DCBLD2: variants seen among roughly 807,000 people sequenced by gnomAD.
The protein encoded by DCBLD2 is discoidin, CUB and LCCL domain-containing protein 2.
A neutral mutation model predicts 86.8 loss-of-function variants in DCBLD2; 54 were observed. The ratio of observed to expected loss-of-function variants is 0.62; its 90% CI spans 0.50 to 0.78. DCBLD2 has a LOEUF of 0.78. Among genes scored for constraint, DCBLD2 ranks in the 30% least tolerant of loss-of-function variants. DCBLD2 has a pLI of 0.00. For missense variants in DCBLD2, 908 were observed against 954.2 expected, an observed-to-expected ratio of 0.95 and a Z score of 0.64; for synonymous variants, 354 against 341.3, an observed-to-expected ratio of 1.04 and a Z score of -0.41.
At position 98,892,755 on chromosome 3, in the gene DCBLD2, T is replaced by A. The variant is rs1005441233; in HGVS notation, c.205+8367A>T. Among the ~76,000 whole-genome samples the A allele has an allele frequency of 1.1e-4, 16 of 152,028 alleles. 1 individual carries two copies. Among genetic ancestry groups the A allele is most frequent in the Admixed American group, 6.6e-5 (1 of 15,262 alleles). Reference sequence around the variant, plus strand: ...TCTCTATAACCTCAAAAGTCCTAACTAAAACACTCTTCCTCCATGCATGCA... The same window carrying A: ...TCTCTATAACCTCAAAAGTCCTAACAAAAACACTCTTCCTCCATGCATGCA... On this transcript the variant is annotated intron_variant, in intron 1 of 15. Transcript: ENST00000326840.
chr3:98,800,548 G>A, intron 15 of DCBLD2, 31 bp downstream of exon 15: 1 of 1,596,592 alleles, frequency 6.3e-7, no homozygotes. Context: ...TTCTCCCTCT[G>A]CCTGGTACCA....
At chr3:98,898,925 G>A (rs571033296) in intron 1 of DCBLD2, among the ~76,000 whole-genome samples, 1 of 152,150 alleles carries the variant, frequency 6.6e-6, no homozygotes, top group African/African-American at 2.4e-5. Flanking sequence ...GCTATTTTAA[G>A]CTTTTCCCTT....
At chr3:98,873,768 C>A (rs1383017888) in intron 2 of DCBLD2, among the ~76,000 whole-genome samples, 1 of 151,510 alleles carries the variant, frequency 6.6e-6, no homozygotes, top group Non-Finnish European at 1.5e-5. Flanking sequence ...ATGTAGACAA[C>A]AGAAAAACAA....
chr3:98,806,821 C>G (rs1301209423), intron 13 of DCBLD2, among the ~76,000 whole-genome samples: 1 of 152,186 alleles, frequency 6.6e-6, no homozygotes, highest in Non-Finnish European at 1.5e-5. Context: ...TCAGATTCCT[C>G]CTGTATCACT....
At chr3:98,878,823 T>C (rs946853154) in intron 2 of DCBLD2, among the ~76,000 whole-genome samples, 14 of 152,080 alleles carry the variant, frequency 9.2e-5, no homozygotes, top group African/African-American at 3.1e-4. Context: ...GAAAAAGCAA[T>C]GGAAATAAGG....
intron 2 of DCBLD2, among the ~76,000 whole-genome samples, chr3:98,859,919 C>A (rs910812188): frequency 2.0e-5 from 3 of 152,178 alleles, no homozygotes; most frequent in African/African-American, 7.2e-5. Context: ...GACCATCAAA[C>A]TTCTCTGAGC....
intron 3 of DCBLD2, among the ~76,000 whole-genome samples, chr3:98,839,204 C>CTTCT (rs1322347429): frequency 7.6e-6 from 1 of 131,318 alleles, no homozygotes; most frequent in Admixed American, 7.7e-5. Context: ...TCCTTCCTTC[C>CTTCT]TTCTTTCTTT....
intron 3 of DCBLD2, among the ~76,000 whole-genome samples, chr3:98,844,159 T>C (rs1349573959): frequency 6.6e-6 from 1 of 152,010 alleles, no homozygotes; most frequent in Non-Finnish European, 1.5e-5. Context: ...GTTTTATAAC[T>C]ACAACTTAAA....
At chr3:98,859,498 A>G (rs527637174) in intron 2 of DCBLD2, among the ~76,000 whole-genome samples, 1 of 152,318 alleles carries the variant, frequency 6.6e-6, no homozygotes, top group Admixed American at 6.5e-5. Context: ...CTGATACCTC[A>G]CATGGCCGGG....
chr3:98,817,703 GCT>G (rs1942048335), intron 9 of DCBLD2, 64 bp downstream of exon 9: 2 of 1,501,864 alleles, frequency 1.3e-6, no homozygotes, highest in Non-Finnish European at 1.8e-6. Flanking sequence ...ATACAGGAGA[GCT>G]CTGTGACTTG....
chr3:98,825,796 T>C (rs1942209658), intron 3 of DCBLD2, among the ~76,000 whole-genome samples: 1 of 151,802 alleles, frequency 6.6e-6, no homozygotes. Flanking sequence ...GACCCTTTGC[T>C]GTTTGCACAT....
chr3:98,818,348 T>G (rs1453717448), intron 8 of DCBLD2, among the ~76,000 whole-genome samples: 2 of 152,210 alleles, frequency 1.3e-5, no homozygotes, highest in Non-Finnish European at 2.9e-5. Flanking sequence ...ATTAATGATC[T>G]CATCATTTAA....
At chr3:98,889,942 C>T (rs1264214479) in intron 1 of DCBLD2, among the ~76,000 whole-genome samples, 1 of 152,024 alleles carries the variant, frequency 6.6e-6, no homozygotes, top group Non-Finnish European at 1.5e-5. Context: ...AAACCTCCTT[C>T]TACATGGTGT....
chr3:98,848,777 TG>T (rs1441320138), intron 3 of DCBLD2, among the ~76,000 whole-genome samples: 1 of 152,198 alleles, frequency 6.6e-6, no homozygotes, highest in Non-Finnish European at 1.5e-5. Context: ...TTGAAAATAA[TG>T]GTAGTATGGT....
chr3:98,797,053 A>AAAAAAAAAAAC lies in DCBLD2; in HGVS notation c.*2318_*2319insGTTTTTTTTTT, dbSNP rs1559764171. On this transcript the variant is annotated 3_prime_UTR_variant, in exon 16 of 16. Coordinates refer to ENST00000326840, the MANE Select transcript of DCBLD2 (RefSeq NM_080927.4). ...AAATGTAGTAAAAAAAAAAAAAAAA[A>AAAAAAAAAAAC]AAATAGAAAACCTCTACTATAAAAA... The AAAAAAAAAAAC allele has an allele frequency of 2.7e-5, 4 of 145,570 alleles. No individual in the cohort carries two copies. The highest frequency in any genetic ancestry group is 4.5e-5 in the Non-Finnish European group (3 of 66,310). 9.0% of individuals were successfully genotyped at this position (145,570 alleles called of 1,614,324 possible).
intron 1 of DCBLD2, among the ~76,000 whole-genome samples, chr3:98,889,883 G>C (rs1943628406): frequency 6.6e-6 from 1 of 151,884 alleles, no homozygotes; most frequent in Non-Finnish European, 1.5e-5. Flanking sequence ...CCTTGGATCT[G>C]CAGTTTTACA....
intron 2 of DCBLD2, among the ~76,000 whole-genome samples, chr3:98,862,816 AG>A (rs1559790996): frequency 6.6e-6 from 1 of 152,234 alleles, no homozygotes; most frequent in Non-Finnish European, 1.5e-5. Context: ...GGTGCAAAAC[AG>A]GGATGCCCTC....
chr3:98,840,407 T>C (rs992273953), intron 3 of DCBLD2, among the ~76,000 whole-genome samples: 7 of 152,360 alleles, frequency 4.6e-5, no homozygotes, highest in Admixed American at 2.0e-4. Flanking sequence ...GCTTAGATTA[T>C]AATAAATACT....
intron 2 of DCBLD2, among the ~76,000 whole-genome samples, chr3:98,859,768 T>C (rs1378229580): frequency 3.3e-5 from 5 of 151,954 alleles, no homozygotes; most frequent in African/African-American, 9.7e-5. Flanking sequence ...ACCACAAAGA[T>C]GGGGAAAAAA....
Sources: gnomAD v4.1 joint callset for allele counts (sites outside exome capture counted in the v4.1 genomes callset) on GRCh38, gnomAD v4.1.1 for gene constraint, MANE v1.5 for transcripts, NCBI Gene and HGNC (gene_info 2026-07-23, HGNC 2026-07-21) for gene names.